The following VEPH1 variants were observed in gnomAD, a reference collection of about 807,000 sequenced individuals.
VEPH1 encodes ventricular zone expressed PH domain containing 1.
Under a neutral mutation model 85.2 loss-of-function variants are expected in VEPH1, and 80 were observed. That is an observed-to-expected ratio of 0.94 (90% CI 0.78 to 1.13). The LOEUF is 1.13. VEPH1 is among the 50% of genes most tolerant of loss of function. The pLI is 0.00. For missense variants in VEPH1, 955 were observed against 980.5 expected (o/e 0.97, Z 0.35); for synonymous variants, 297 against 348.0 (o/e 0.85, Z 1.63).
At chr3:157,283,275 A>G (rs1373444118) in intron 12 of VEPH1, among the ~76,000 whole-genome samples, 1 of 152,232 alleles carries the variant, frequency 6.6e-6, no homozygotes, top group Non-Finnish European at 1.5e-5. Context: ...TACTGGTTCC[A>G]TCACTGAGAA....
intron 11 of VEPH1, among the ~76,000 whole-genome samples, chr3:157,293,355 G>A (rs932053095): frequency 2.6e-5 from 4 of 152,196 alleles, no homozygotes; most frequent in African/African-American, 9.7e-5. Flanking sequence ...AGGTACACAT[G>A]ACTATATGAG....
intron 4 of VEPH1, among the ~76,000 whole-genome samples, chr3:157,448,168 T>A (rs1734694079): frequency 6.6e-6 from 1 of 152,204 alleles, no homozygotes; most frequent in Non-Finnish European, 1.5e-5. Flanking sequence ...AGCAATGGTT[T>A]GAAATTTGTC....
intron 4 of VEPH1, among the ~76,000 whole-genome samples, chr3:157,429,985 C>T (rs112071997): frequency 0.014 from 2,187 of 152,222 alleles, 51 homozygotes; most frequent in African/African-American, 0.05. Context: ...TCAAATAATA[C>T]AAAAAACAAA....
chr3:157,486,386 C>T (rs1026254603), intron 2 of VEPH1, among the ~76,000 whole-genome samples: 6 of 151,368 alleles, frequency 4.0e-5, no homozygotes, highest in African/African-American at 1.5e-4. Context: ...ATCCCAGCTA[C>T]CCAGGAGGCT....
intron 4 of VEPH1, among the ~76,000 whole-genome samples, chr3:157,431,734 T>C (rs996904399): frequency 2.0e-5 from 3 of 152,010 alleles, no homozygotes; most frequent in African/African-American, 7.2e-5. Context: ...AACATTTGGT[T>C]GTGACAGACA....
intron 2 of VEPH1, among the ~76,000 whole-genome samples, chr3:157,475,177 A>T: frequency 7.1e-6 from 1 of 140,690 alleles, no homozygotes; most frequent in African/African-American, 2.7e-5. Flanking sequence ...TTTTTTGTAG[A>T]GATGGAGTCT....
intron 4 of VEPH1, among the ~76,000 whole-genome samples, chr3:157,429,998 C>G (rs140792728): frequency 9.7e-4 from 148 of 152,282 alleles, no homozygotes; most frequent in African/African-American, 3.4e-3. Context: ...AAAACAAATG[C>G]AGAACTTTTG....
chr3:157,390,210 CAA>C (rs1161901056), intron 6 of VEPH1, among the ~76,000 whole-genome samples: 2 of 151,854 alleles, frequency 1.3e-5, no homozygotes, highest in African/African-American at 2.4e-5. Flanking sequence ...CAATAAAAGA[CAA>C]AAAAAGTTTG....
rs753674310 is a variant in VEPH1, at chr3:157,313,639, G to A, written c.1992C>T (p.Ser664=). The A allele has an allele frequency of 1.2e-6, 2 of 1,614,086 alleles. No individual in the cohort carries two copies. The highest frequency in any genetic ancestry group is 1.1e-5 in the South Asian group (1 of 91,076). ...TATTTACCTTCTGCTGTGGAAACGT[G>A]GACTCCATCATGGCAGTTTCAAAGC... The part of the protein sequence containing the change: ...AHSFETAMME[S]TFPQQKDLDQ... Residue 664 remains serine (S), a synonymous_variant, in exon 11 of 14, where the codon TCC becomes TCT. Coordinates refer to ENST00000362010, the MANE Select transcript of VEPH1 (RefSeq NM_001167912.2).
At chr3:157,297,392 G>T (rs74745604) in intron 11 of VEPH1, among the ~76,000 whole-genome samples, 1 of 152,298 alleles carries the variant, frequency 6.6e-6, no homozygotes, top group East Asian at 1.9e-4. Flanking sequence ...ACGTGGACAT[G>T]AACATTTCAG....
At chr3:157,314,451 CAG>C (rs1305620561) in intron 10 of VEPH1, among the ~76,000 whole-genome samples, 2 of 148,994 alleles carry the variant, frequency 1.3e-5, no homozygotes, top group Admixed American at 1.3e-4. Context: ...ATTTTCAAGG[CAG>C]TTGATAATGA....
intron 2 of VEPH1, among the ~76,000 whole-genome samples, chr3:157,486,141 G>T (rs998502878): frequency 7.9e-5 from 12 of 152,030 alleles, no homozygotes; most frequent in African/African-American, 2.9e-4. Context: ...CAATAATATA[G>T]ATATTAAGAC....
chr3:157,363,820 A>G (rs2108774787), intron 8 of VEPH1, 59 bp from the exon 9 acceptor site: 1 of 1,549,608 alleles, frequency 6.5e-7, no homozygotes, highest in Non-Finnish European at 8.7e-7. Context: ...TGACAAGGAA[A>G]AGAAATAATA....
chr3:157,279,108 G>GAGGCC (rs1453722338), intron 12 of VEPH1, among the ~76,000 whole-genome samples: 1 of 152,182 alleles, frequency 6.6e-6, no homozygotes, highest in African/African-American at 2.4e-5. Flanking sequence ...ATTCAGAGGA[G>GAGGCC]AGGCCAGGCC....
chr3:157,487,092 A>G (rs1038235577), intron 2 of VEPH1, among the ~76,000 whole-genome samples: 2 of 152,112 alleles, frequency 1.3e-5, no homozygotes, highest in African/African-American at 2.4e-5. Context: ...TAACCTAATT[A>G]TACAATTGAG....
intron 1 of VEPH1, among the ~76,000 whole-genome samples, chr3:157,498,463 T>G (rs1381993923): frequency 6.6e-6 from 1 of 152,184 alleles, no homozygotes; most frequent in Non-Finnish European, 1.5e-5. Flanking sequence ...AGCCACTTAA[T>G]TCTTATGACA....
rs924726283 is a variant in VEPH1, at chr3:157,445,658, G to A, written c.529+14523C>T. On this transcript the variant is annotated intron_variant, in intron 4 of 13. Coordinates refer to ENST00000362010, the MANE Select transcript of VEPH1 (RefSeq NM_001167912.2). ...ACATAAATTAGCTGGGTGTAGTGGCGTGCGCCTGTAATCCCAGCTACTCAG... is the reference window on the plus strand; with the variant it reads ...ACATAAATTAGCTGGGTGTAGTGGCATGCGCCTGTAATCCCAGCTACTCAG... 9.6e-5 allele frequency among the ~76,000 whole-genome samples: 11 copies of A among 114,596 alleles called. No homozygotes were observed. In the East Asian group the frequency reaches 1.1e-3, roughly 12 times the overall value. 75.2% of individuals were successfully genotyped at this position (114,596 alleles called of 152,430 possible).
intron 4 of VEPH1, among the ~76,000 whole-genome samples, chr3:157,449,318 A>G (rs1049045935): frequency 2.0e-5 from 3 of 152,194 alleles, no homozygotes; most frequent in Non-Finnish European, 4.4e-5. Flanking sequence ...TTAAAATTTT[A>G]CTAAAGAAGA....
chr3:157,459,515 T>A (rs1735644371), intron 4 of VEPH1: 1 of 798,308 alleles, frequency 1.3e-6, no homozygotes, highest in African/African-American at 1.9e-5. Flanking sequence ...TGGGGACATT[T>A]GGATGCACAT....
Sources: gnomAD v4.1 joint callset for allele counts (sites outside exome capture counted in the v4.1 genomes callset) on GRCh38, gnomAD v4.1.1 for gene constraint, MANE v1.5 for transcripts, NCBI Gene and HGNC (gene_info 2026-07-23, HGNC 2026-07-21) for gene names.